EIF4ENIF1: variants seen among roughly 807,000 people sequenced by gnomAD.
EIF4ENIF1 encodes the protein eukaryotic translation initiation factor 4E transporter.
Under a neutral mutation model 110.5 loss-of-function variants are expected in EIF4ENIF1, and 23 were observed. The ratio of observed to expected loss-of-function variants is 0.21; its 90% confidence interval spans 0.15 to 0.29. The LOEUF (loss-of-function observed/expected upper bound fraction) is 0.29, where lower values mean the gene tolerates loss of function less well. EIF4ENIF1 is among the 10% of genes least tolerant of loss of function. The pLI is 1.00. For missense variants in EIF4ENIF1, 1,031 were observed against 1,221.1 expected (o/e 0.84, Z 2.32); for synonymous variants, 440 against 437.0 (o/e 1.01, Z -0.09).
upstream of EIF4ENIF1, among the ~76,000 whole-genome samples, chr22:31,493,139 T>C (rs1264756288): frequency 1.1e-4 from 17 of 151,478 alleles, no homozygotes; most frequent in Admixed American, 1.1e-3. Flanking sequence ...GTTCAGGCCA[T>C]TCTGCCTCAG....
Position 31,447,549 on chromosome 22 carries a change from A to C in EIF4ENIF1, c.1865T>G (p.Leu622Trp). The change falls in exon 14 of 19, where the codon TTG becomes TGG. Residue 622 changes from leucine to tryptophan, a missense_variant. Around this residue, in one of 3 missense-constraint regions of EIF4ENIF1, gnomAD observed 704 missense variants for 879.7 expected, o/e 0.80. Coordinates refer to ENST00000330125, the MANE Select transcript of EIF4ENIF1 (RefSeq NM_019843.4). The stretch of plus-strand genomic sequence containing the variant: ...CAGCCCTTCTAAAGCTGCCTGTTGC[A>C]ACTCCAGCTGGCTCATCTGCTGAAA... ...PITAQMSQLELQQAALEGLAL... is the reference protein window; with the variant it reads ...PITAQMSQLEWQQAALEGLAL... 6.2e-7 allele frequency: 1 copy of C among 1,605,634 alleles called. No homozygotes were observed. Among genetic ancestry groups the C allele is most frequent in the Non-Finnish European group, 8.5e-7 (1 of 1,174,416 alleles).
chr22:31,468,494 A>C (rs1033254370), intron 3 of EIF4ENIF1, among the ~76,000 whole-genome samples, 192 bp from the exon 4 acceptor site: 5 of 152,312 alleles, frequency 3.3e-5, no homozygotes, highest in African/African-American at 1.2e-4. Context: ...TCCCAGGTTC[A>C]AGTGATTCTT....
At chr22:31,487,555 G>C (rs1203112546) in intron 2 of EIF4ENIF1, among the ~76,000 whole-genome samples, 1 of 152,124 alleles carries the variant, frequency 6.6e-6, no homozygotes, top group Non-Finnish European at 1.5e-5. Context: ...CCAACACTTT[G>C]GGAGGCCAAG....
chr22:31,444,352 T>A (rs2050395759), intron 15 of EIF4ENIF1: 1 of 399,998 alleles, frequency 2.5e-6, no homozygotes. Flanking sequence ...ACATACTATA[T>A]CACCTCGTGT....
intron 2 of EIF4ENIF1, among the ~76,000 whole-genome samples, chr22:31,487,284 C>T (rs1392552588): frequency 1.3e-5 from 2 of 152,174 alleles, no homozygotes; most frequent in Admixed American, 6.5e-5. Flanking sequence ...CAAAACAGAT[C>T]ATCCTAAGAG....
chr22:31,489,265 G>C (rs1318320711), intron 1 of EIF4ENIF1: 1 of 153,102 alleles, frequency 6.5e-6, no homozygotes, highest in African/African-American at 2.4e-5. Context: ...CGATGGCAAG[G>C]AAAGGGCGAG....
At chr22:31,484,788 C>T (rs1465204391) in intron 2 of EIF4ENIF1, among the ~76,000 whole-genome samples, 1 of 152,140 alleles carries the variant, frequency 6.6e-6, no homozygotes, top group Non-Finnish European at 1.5e-5. Flanking sequence ...GCGGAGATGG[C>T]GCCATTGCAC....
intron 4 of EIF4ENIF1, among the ~76,000 whole-genome samples, chr22:31,464,654 C>T (rs1418453772): frequency 1.1e-4 from 9 of 82,936 alleles, no homozygotes; most frequent in East Asian, 3.3e-4. Flanking sequence ...GTAGCCTGGG[C>T]AAAAGACTAA....
chr22:31,455,588 G>C (rs1283697697), intron 8 of EIF4ENIF1, among the ~76,000 whole-genome samples: 4 of 151,822 alleles, frequency 2.6e-5, no homozygotes, highest in African/African-American at 4.8e-5. Context: ...TAGTAGAGAT[G>C]GGGGTTTCAC....
upstream of EIF4ENIF1, among the ~76,000 whole-genome samples, chr22:31,490,561 C>T (rs2052241440): frequency 6.6e-6 from 1 of 152,160 alleles, no homozygotes; most frequent in African/African-American, 2.4e-5. Context: ...AATGTTGTTT[C>T]CCTCCGGTAA....
chr22:31,448,275 G>A (rs773462231), intron 12 of EIF4ENIF1, 43 bp from the exon 13 acceptor site: 2 of 1,588,636 alleles, frequency 1.3e-6, no homozygotes, highest in Non-Finnish European at 1.7e-6. Flanking sequence ...GATGGTATGT[G>A]TGCATCAGGG....
downstream of EIF4ENIF1, among the ~76,000 whole-genome samples, chr22:31,438,784 G>A (rs185951142): frequency 1.6e-4 from 24 of 151,730 alleles, no homozygotes; most frequent in Admixed American, 3.3e-4. Context: ...CTGCAGTGGC[G>A]TGATCTCAGC....
chr22:31,463,256 T>C (rs573778787), intron 5 of EIF4ENIF1, 123 bp from the exon 6 acceptor site: 1 of 881,934 alleles, frequency 1.1e-6, no homozygotes, highest in African/African-American at 1.7e-5. Context: ...CTGAGGCCCA[T>C]CACCACCCCC....
rs775226718 is a variant in EIF4ENIF1, at chr22:31,445,775, G to T, written c.1989-1085C>A. Reference sequence around the variant, plus strand: ...GATGAATACAATTTAAAAAAGCAAGGTAAGGGGAAAGGCATGTTTGTTGGA... The same window carrying T: ...GATGAATACAATTTAAAAAAGCAAGTTAAGGGGAAAGGCATGTTTGTTGGA... On this transcript the variant is annotated intron_variant, in intron 14 of 18. Transcript: ENST00000330125. 6.6e-5 allele frequency among the ~76,000 whole-genome samples: 10 copies of T among 152,252 alleles called. No individual in the cohort carries two copies. The Middle Eastern group carries it at 0.01, about 155-fold the overall frequency.
chr22:31,493,370 C>T (rs181694490), upstream of EIF4ENIF1, among the ~76,000 whole-genome samples: 576 of 152,130 alleles, frequency 3.8e-3, no homozygotes, highest in Admixed American at 6.0e-3. Context: ...GCTCTGTCGC[C>T]CAGGCTAGAG....
chr22:31,456,286 C>T (rs373414936), intron 7 of EIF4ENIF1, among the ~76,000 whole-genome samples: 219 of 149,606 alleles, frequency 1.5e-3, no homozygotes, highest in Admixed American at 3.6e-3. Flanking sequence ...TGCAGTGGCA[C>T]GATCTCGGCT....
At chr22:31,441,521 CAG>C (rs2050295273) in intron 17 of EIF4ENIF1, among the ~76,000 whole-genome samples, 1 of 119,946 alleles carries the variant, frequency 8.3e-6, no homozygotes, top group Non-Finnish European at 1.6e-5. Flanking sequence ...GCCAGGCAGA[CAG>C]AGTGAGACTT....
intron 6 of EIF4ENIF1, among the ~76,000 whole-genome samples, chr22:31,459,456 A>G (rs1345811864): frequency 6.6e-6 from 1 of 152,138 alleles, no homozygotes; most frequent in African/African-American, 2.4e-5. Context: ...TCAAGGCGAA[A>G]TTCAAATGTG....
chr22:31,449,643 C>T, intron 11 of EIF4ENIF1, 112 bp from the exon 12 acceptor site: 1 of 923,794 alleles, frequency 1.1e-6, no homozygotes, highest in Non-Finnish European at 1.6e-6. Flanking sequence ...TCATGCTCAA[C>T]TGAAGGACTT....
Sources: allele counts gnomAD v4.1 joint callset (sites outside exome capture counted in the v4.1 genomes callset), GRCh38; gene constraint gnomAD v4.1.1; regional missense constraint gnomAD v4.1.1; transcripts MANE v1.5; gene names NCBI Gene and HGNC (gene_info 2026-07-23, HGNC 2026-07-21).